The following GREM1 variants were observed in gnomAD, a reference collection of about 807,000 sequenced individuals.
The protein encoded by GREM1 is gremlin 1, DAN family BMP antagonist.
Under a neutral mutation model 13.1 loss-of-function variants are expected in GREM1, and 6 were observed. The ratio of observed to expected loss-of-function variants is 0.46; its 90% CI spans 0.25 to 0.91. The LOEUF (loss-of-function observed/expected upper bound fraction) is 0.91. GREM1 is among the 40% of genes least tolerant of loss of function. The pLI, the probability that GREM1 is intolerant of heterozygous loss-of-function variation, is 0.18. For missense variants in GREM1, 185 were observed against 233.9 expected, an observed-to-expected ratio of 0.79 and a Z score of 1.36; for synonymous variants, 98 against 93.7, an observed-to-expected ratio of 1.05 and a Z score of -0.27.
At chr15:32,718,499 G>A (rs1195510765) in intron 1 of GREM1, 6 of 460,724 alleles carry the variant, frequency 1.3e-5, no homozygotes, top group Non-Finnish European at 2.6e-5. Context: ...CGCCCGCTTA[G>A]CGAGGGCGCG....
Position 32,718,134 on chromosome 15 carries a change from A to C in GREM1, c.-29A>C, listed in dbSNP as rs1339730562. On this transcript the variant is annotated 5_prime_UTR_variant, in exon 1 of 2. Transcript: ENST00000651154. The stretch of plus-strand genomic sequence containing the variant: ...ACTCAGCGCCACGCGTCGAAAGCGC[A>C]GGCCCCGAGGACCCGCCGCACTGAC... The C allele has an allele frequency of 7.7e-7, 1 of 1,298,412 alleles. No individual in the cohort carries two copies. The highest frequency in any genetic ancestry group is 1.0e-6 in the Non-Finnish European group (1 of 998,298). The allele number at this position is 1,298,412 out of a possible 1,614,324, so 80.4% of individuals were successfully genotyped here. A position where few individuals can be genotyped will look rare whatever the true frequency, so the allele number is the denominator to read the frequency against.
In GREM1 at chr15:32,732,744, A is replaced by G; in HGVS notation, c.*1499A>G. On this transcript the variant is annotated 3_prime_UTR_variant, in exon 2 of 2. Transcript: ENST00000651154. ...ACTGTCCTCTGATTAAACTTGGCCT[A>G]CTGGCAATGGCTACTTAGGATTGAT... is the stretch of plus-strand genomic sequence containing the variant. 4.3e-6 allele frequency: 1 copy of G among 233,150 alleles called. No individual in the cohort carries two copies. Among genetic ancestry groups the G allele is most frequent in the Non-Finnish European group, 9.2e-6 (1 of 108,742 alleles). The allele number at this position is 233,150 out of a possible 1,614,324, so 14.4% of individuals were successfully genotyped here. A position where few individuals can be genotyped will look rare whatever the true frequency, so the allele number is the denominator to read the frequency against.
chr15:32,738,125 A>AAAAAAAAAAAAAAAAC lies in GREM1; in HGVS notation c.*6888_*6889insAAAAAAACAAAAAAAA. ...AAAAAAAAAAAAAAAAAAAAAAAAA[A>AAAAAAAAAAAAAAAAC]AAAAAAAAGAAAAGAAAAAAGTCAT... On this transcript the variant is annotated 3_prime_UTR_variant, in exon 2 of 2. Transcript: ENST00000651154. The AAAAAAAAAAAAAAAAC allele has an allele frequency of 7.1e-5, 2 of 27,986 alleles. No homozygotes were observed. Among genetic ancestry groups the AAAAAAAAAAAAAAAAC allele is most frequent in the African/African-American group, 1.5e-4 (1 of 6,600 alleles). The allele number at this position is 27,986 out of a possible 1,614,324, so 1.7% of individuals were successfully genotyped here.
In GREM1 at chr15:32,732,728, T is replaced by G. The variant is rs2055643115; in HGVS notation, c.*1483T>G. On this transcript the variant is annotated 3_prime_UTR_variant, in exon 2 of 2. Transcript: ENST00000651154. The stretch of plus-strand genomic sequence containing the variant: ...GTATTTACTGGTAGGCACTGTCCTC[T>G]GATTAAACTTGGCCTACTGGCAATG... The G allele has an allele frequency of 4.3e-6, 1 of 235,150 alleles. No homozygotes were observed. The highest frequency in any genetic ancestry group is 2.2e-5 in the African/African-American group (1 of 44,630). The allele number at this position is 235,150 out of a possible 1,614,324, so 14.6% of individuals were successfully genotyped here.
chr15:32,721,771 C>T (rs538203034), intron 1 of GREM1, among the ~76,000 whole-genome samples: 180 of 152,242 alleles, frequency 1.2e-3, no homozygotes, highest in African/African-American at 4.2e-3. Flanking sequence ...TACCACACTA[C>T]GCAGTGACTA....
In GREM1 at chr15:32,732,084, T is replaced by C. The variant is rs1353529091; in HGVS notation, c.*839T>C. The C allele has an allele frequency of 4.2e-6, 1 of 239,102 alleles. No homozygotes were observed. The highest frequency in any genetic ancestry group is 2.2e-5 in the African/African-American group (1 of 44,862). The allele number at this position is 239,102 out of a possible 1,614,324, so 14.8% of individuals were successfully genotyped here. ...CCAGAAAGTGATTAACTTTGGCCGT[T>C]GCAATCTGCTCAAACCTAACACCAA... On this transcript the variant is annotated 3_prime_UTR_variant, in exon 2 of 2. Coordinates refer to ENST00000651154, the MANE Select transcript of GREM1 (RefSeq NM_013372.7).
chr15:32,723,960 C>T (rs943822688), intron 1 of GREM1, among the ~76,000 whole-genome samples: 1 of 152,216 alleles, frequency 6.6e-6, no homozygotes, highest in African/African-American at 2.4e-5. Flanking sequence ...GCAATTGGCT[C>T]TTCTGCTCAT....
At chr15:32,720,159 T>C (rs2055381653) in intron 1 of GREM1, among the ~76,000 whole-genome samples, 1 of 152,178 alleles carries the variant, frequency 6.6e-6, no homozygotes, top group African/African-American at 2.4e-5. Context: ...ACTTTGTAAT[T>C]TCACAGGTTT....
Position 32,734,091 on chromosome 15 carries a change from A to C in GREM1, c.*2846A>C. 1 of 243,484 alleles carries C rather than the reference A, an allele frequency of 4.1e-6. No individual in the cohort carries two copies. The highest frequency in any genetic ancestry group is 8.7e-6 in the Non-Finnish European group (1 of 115,298). The allele number at this position is 243,484 out of a possible 1,614,324, so 15.1% of individuals were successfully genotyped here. On this transcript the variant is annotated 3_prime_UTR_variant, in exon 2 of 2. Transcript: ENST00000651154. ...TCTGAGTTGGGCAAAGAAGAAGCTG[A>C]CACACCGTATGTTGTTAGAGTCTTT...
rs1567118104 is a variant in GREM1 at position 32,739,670 on chromosome 15, G to GT, written c.*8426dup. The GT allele has an allele frequency of 6.6e-6, 1 of 152,152 alleles. No homozygotes were observed. The highest frequency in any genetic ancestry group is 1.9e-4 in the East Asian group (1 of 5,200). The allele number at this position is 152,152 out of a possible 1,614,324, so 9.4% of individuals were successfully genotyped here. On this transcript the variant is annotated 3_prime_UTR_variant, in exon 2 of 2. Coordinates refer to ENST00000651154, the MANE Select transcript of GREM1 (RefSeq NM_013372.7). Reference sequence around the variant, plus strand: ...CAAAAATTCATGGCTAAATTCCTTTGTGAGGAATCCAGAAACTAAAAGGCT... The same window carrying GT: ...CAAAAATTCATGGCTAAATTCCTTTGTTGAGGAATCCAGAAACTAAAAGGCT...
chr15:32,719,338 G>A (rs1301072244), intron 1 of GREM1, among the ~76,000 whole-genome samples: 3 of 152,262 alleles, frequency 2.0e-5, no homozygotes, highest in African/African-American at 7.2e-5. Flanking sequence ...GCCTGCGCCA[G>A]GCTCTGGCGA....
rs2055685449 is a variant in GREM1, at chr15:32,735,495, C to A, written c.*4250C>A. On this transcript the variant is annotated 3_prime_UTR_variant, in exon 2 of 2. Transcript: ENST00000651154. ...TCGGTTTGTTCTTTTAAGAACATAA[C>A]ACAGCACTCTAAAAATAGATCTAAC... The A allele has an allele frequency of 6.6e-6, 1 of 152,122 alleles. No homozygotes were observed. Among genetic ancestry groups the A allele is most frequent in the Non-Finnish European group, 1.5e-5 (1 of 68,028 alleles). 9.4% of individuals were successfully genotyped at this position (152,122 alleles called of 1,614,324 possible).
chr15:32,726,234 G>A (rs1308924000), intron 1 of GREM1, among the ~76,000 whole-genome samples: 2 of 151,966 alleles, frequency 1.3e-5, no homozygotes, highest in African/African-American at 4.8e-5. Flanking sequence ...ATTCTAAAAT[G>A]ACCACATAAT....
chr15:32,723,808 A>C (rs1403960265), intron 1 of GREM1, among the ~76,000 whole-genome samples: 2 of 152,206 alleles, frequency 1.3e-5, no homozygotes, highest in Admixed American at 1.3e-4. Context: ...CAATTAGAAA[A>C]TGAAACCCAT....
chr15:32,723,495 A>G lies in GREM1; in HGVS notation c.-2+5334A>G, dbSNP rs937863869. On this transcript the variant is annotated intron_variant, in intron 1 of 1. Transcript: ENST00000651154. Reference sequence around the variant, plus strand: ...TTGGTGTTTACTTCTCTCTGAATAAACAAAGGTTGGCAACTCAGACATCTT... The same window carrying G: ...TTGGTGTTTACTTCTCTCTGAATAAGCAAAGGTTGGCAACTCAGACATCTT... 5.9e-5 allele frequency among the ~76,000 whole-genome samples: 9 copies of G among 152,208 alleles called. 1 individual carries two copies. The highest frequency in any genetic ancestry group is 2.2e-4 in the African/African-American group (9 of 41,448).
Position 32,732,905 on chromosome 15 carries a change from A to T in GREM1, c.*1660A>T, listed in dbSNP as rs1388496123. On this transcript the variant is annotated 3_prime_UTR_variant, in exon 2 of 2. Transcript: ENST00000651154. ...CTTGTATCTTCTCAGCCTCCTAGCC[A>T]AGTCCTATGTAATATGGAAAACAAA... is the stretch of plus-strand genomic sequence containing the variant. 1 of 220,126 alleles carries T rather than the reference A, an allele frequency of 4.5e-6. No homozygotes were observed. The highest frequency in any genetic ancestry group is 2.3e-5 in the African/African-American group (1 of 43,796). The allele number at this position is 220,126 out of a possible 1,614,324, so 13.6% of individuals were successfully genotyped here. A position where few individuals can be genotyped will look rare whatever the true frequency, so the allele number is the denominator to read the frequency against.
In GREM1 at chr15:32,731,602, T is replaced by A; in HGVS notation, c.*357T>A. On this transcript the variant is annotated 3_prime_UTR_variant, in exon 2 of 2. Transcript: ENST00000651154. ...TTGTGCCCTCCTGGGGACCAGAATC[T>A]CCTTTCGGAATGAATGTTCATGGAA... 1 of 327,344 alleles carries A rather than the reference T, an allele frequency of 3.1e-6. No homozygotes were observed. The highest frequency in any genetic ancestry group is 5.1e-5 in the East Asian group (1 of 19,666). 20.3% of individuals were successfully genotyped at this position (327,344 alleles called of 1,614,324 possible).
At position 32,741,019 on chromosome 15, in the gene GREM1, TA is replaced by T. The variant is rs989119242; in HGVS notation, c.*9775del. 8 of 151,990 alleles carry T rather than the reference TA, an allele frequency of 5.3e-5. No individual in the cohort carries two copies. Among genetic ancestry groups the T allele is most frequent in the African/African-American group, 1.9e-4 (8 of 41,368 alleles). The allele number at this position is 151,990 out of a possible 1,614,324, so 9.4% of individuals were successfully genotyped here. Reference sequence around the variant, plus strand: ...GAAGACTGGATGGCACCACATGGGATAGGGGGAAAGTAGTTGAAAAAAAATA... The same window carrying T: ...GAAGACTGGATGGCACCACATGGGATGGGGGAAAGTAGTTGAAAAAAAATA... On this transcript the variant is annotated 3_prime_UTR_variant, in exon 2 of 2. Transcript: ENST00000651154.
At position 32,731,365 on chromosome 15, in the gene GREM1, C is replaced by G. The variant is rs201006159; in HGVS notation, c.*120C>G. 1.2e-3 allele frequency: 866 copies of G among 739,476 alleles called. No individual in the cohort carries two copies. The highest frequency in any genetic ancestry group is 1.8e-3 in the Non-Finnish European group (783 of 445,904). 45.8% of individuals were successfully genotyped at this position (739,476 alleles called of 1,614,324 possible). ...GGCCAGAAGAACCCCCAGCTGCCTC[C>G]TGGCAGGAGCCTGCTTGTGCGTAGT... On this transcript the variant is annotated 3_prime_UTR_variant, in exon 2 of 2. Transcript: ENST00000651154.
Sources: gnomAD v4.1 joint callset for allele counts (sites outside exome capture counted in the v4.1 genomes callset) on GRCh38, gnomAD v4.1.1 for gene constraint, MANE v1.5 for transcripts, NCBI Gene and HGNC (gene_info 2026-07-23, HGNC 2026-07-21) for gene names.